Variants in DNAH11 observed in about 807,000 individuals in gnomAD.
DNAH11 encodes axonemal beta dynein heavy chain 11.
DNAH11 carries 442 observed loss-of-function variants against 526.0 expected under a neutral mutation model. That is an observed-to-expected ratio of 0.84 (90% confidence interval 0.78 to 0.91). The LOEUF (loss-of-function observed/expected upper bound fraction) is 0.91. DNAH11 is among the 40% of genes least tolerant of loss of function. The pLI, the probability that DNAH11 is intolerant of heterozygous loss-of-function variation, is 0.00. For synonymous variants in DNAH11, 2,461 were observed against 1,935.9 expected, an observed-to-expected ratio of 1.27 and a Z score of -7.12; for missense variants, 6,989 against 5,448.7, an observed-to-expected ratio of 1.28 and a Z score of -8.90.
intron 42 of DNAH11, among the ~76,000 whole-genome samples, chr7:21,714,677 T>C (rs1784585143): frequency 6.6e-6 from 1 of 152,212 alleles, no homozygotes; most frequent in African/African-American, 2.4e-5. Context: ...TTCAAAACTA[T>C]AGAAAAGTTG....
intron 37 of DNAH11, chr7:21,703,762 A>G (rs1784151344): frequency 6.6e-6 from 1 of 151,948 alleles, no homozygotes; most frequent in South Asian, 2.1e-4. Flanking sequence ...AACAACAACA[A>G]CAAAAAACCC....
At chr7:21,878,325 T>C (rs1036779842) in intron 74 of DNAH11, among the ~76,000 whole-genome samples, 2 of 152,200 alleles carry the variant, frequency 1.3e-5, no homozygotes, top group Non-Finnish European at 2.9e-5. Flanking sequence ...AAAGTACAGA[T>C]TGAAGTAATG....
chr7:21,768,908 G>C (rs1562535188), intron 55 of DNAH11, among the ~76,000 whole-genome samples: 1 of 152,096 alleles, frequency 6.6e-6, no homozygotes. Flanking sequence ...TTTAAGCACA[G>C]TTCTTTATTT....
chr7:21,696,047 T>G (rs865928350), intron 35 of DNAH11, among the ~76,000 whole-genome samples: 20 of 152,212 alleles, frequency 1.3e-4, no homozygotes, highest in African/African-American at 4.8e-4. Context: ...TCTTCCTATT[T>G]CCTTGATGAT....
chr7:21,890,831 A>T (rs1456792415), intron 76 of DNAH11, among the ~76,000 whole-genome samples: 1 of 152,186 alleles, frequency 6.6e-6, no homozygotes, highest in African/African-American at 2.4e-5. Flanking sequence ...AAATAGTCCA[A>T]CTTCTTCCTT....
chr7:21,602,675 G>T (rs560408227), intron 18 of DNAH11, among the ~76,000 whole-genome samples: 1 of 151,778 alleles, frequency 6.6e-6, no homozygotes, highest in East Asian at 1.9e-4. Context: ...GATTCTAGTT[G>T]ATCTAGTTTA....
intron 45 of DNAH11, among the ~76,000 whole-genome samples, chr7:21,732,464 G>A (rs1333054167): frequency 1.3e-5 from 2 of 152,136 alleles, no homozygotes; most frequent in Middle Eastern, 3.4e-3. Flanking sequence ...ATGTTGGGGG[G>A]ACACAATATT....
chr7:21,570,917 C>CT (rs1783861967), intron 7 of DNAH11, among the ~76,000 whole-genome samples: 2 of 151,342 alleles, frequency 1.3e-5, no homozygotes, highest in South Asian at 4.2e-4. Flanking sequence ...ATTGATGACA[C>CT]TGCCTTATTT....
At chr7:21,777,942 A>C (rs542945214) in intron 56 of DNAH11, among the ~76,000 whole-genome samples, 1 of 152,362 alleles carries the variant, frequency 6.6e-6, no homozygotes, top group East Asian at 1.9e-4. Context: ...ATTTGAGTTA[A>C]AATAAATGTA....
intron 75 of DNAH11, among the ~76,000 whole-genome samples, chr7:21,882,420 G>A (rs548050232): frequency 2.6e-5 from 4 of 152,282 alleles, no homozygotes; most frequent in African/African-American, 7.2e-5. Context: ...CACATGTTTG[G>A]TTGTACAAAA....
At chr7:21,578,725 C>G (rs1784197970) in intron 8 of DNAH11, among the ~76,000 whole-genome samples, 1 of 152,306 alleles carries the variant, frequency 6.6e-6, no homozygotes, top group Non-Finnish European at 1.5e-5. Flanking sequence ...CATACATTCT[C>G]TGAAATCTAG....
chr7:21,619,926 G>A, intron 24 of DNAH11, 30 bp from the exon 25 acceptor site: 1 of 1,431,756 alleles, frequency 7.0e-7, no homozygotes, highest in Non-Finnish European at 9.4e-7. Context: ...ATTAAATTTT[G>A]TGCACATTAA....
chr7:21,696,636 T>A (rs1002614804), intron 35 of DNAH11, among the ~76,000 whole-genome samples: 1 of 152,214 alleles, frequency 6.6e-6, no homozygotes, highest in Admixed American at 6.5e-5. Flanking sequence ...TGAATTTTTT[T>A]AATAACTTTT....
intron 23 of DNAH11, 100 bp downstream of exon 23, chr7:21,617,877 C>G (rs1454157713): frequency 7.1e-6 from 9 of 1,269,240 alleles, no homozygotes; most frequent in Non-Finnish European, 9.5e-6. Flanking sequence ...TGAAAAGACC[C>G]CCCTCAGCAT....
At chr7:21,563,643 G>A (rs982556859) in intron 5 of DNAH11, among the ~76,000 whole-genome samples, 5 of 152,118 alleles carry the variant, frequency 3.3e-5, no homozygotes, top group Admixed American at 6.5e-5. Flanking sequence ...CACCTCTGTC[G>A]AGTTTCAAAA....
intron 56 of DNAH11, among the ~76,000 whole-genome samples, chr7:21,777,968 T>C (rs896318342): frequency 9.2e-5 from 14 of 152,306 alleles, no homozygotes; most frequent in Middle Eastern, 3.4e-3. Context: ...TTATGATTGT[T>C]CTTTGCTGCT....
Position 21,633,450 on chromosome 7 carries a change from T to G in DNAH11, c.4501-2421T>G, listed in dbSNP as rs73682655. The stretch of plus-strand genomic sequence containing the variant: ...ACTGTATTGCAGTCTATCTCATACT[T>G]CAGACCTGTTAATATTTGATTTATA... On this transcript the variant is annotated intron_variant, in intron 25 of 81. Transcript: ENST00000409508. Among the ~76,000 whole-genome samples, 413 of 152,370 alleles carry G rather than the reference T, an allele frequency of 2.7e-3. 3 individuals carry two copies. Among genetic ancestry groups the G allele is most frequent in the African/African-American group, 9.3e-3 (387 of 41,580 alleles).
chr7:21,783,812 G>A (rs999395788), intron 57 of DNAH11, among the ~76,000 whole-genome samples: 4 of 152,278 alleles, frequency 2.6e-5, no homozygotes, highest in South Asian at 4.1e-4. Context: ...TTCCAATACC[G>A]AAGGCAGATG....
At chr7:21,599,717 A>G in intron 14 of DNAH11, 70 bp from the exon 15 acceptor site, 1 of 1,192,282 alleles carries the variant, frequency 8.4e-7, no homozygotes, top group Non-Finnish European at 1.1e-6. Context: ...CAAACTATTT[A>G]AACGGAGAGT....
Sources: gnomAD v4.1 joint callset for allele counts (sites outside exome capture counted in the v4.1 genomes callset) on GRCh38, gnomAD v4.1.1 for gene constraint, MANE v1.5 for transcripts, NCBI Gene and HGNC (gene_info 2026-07-23, HGNC 2026-07-21) for gene names.